The following SEL1L2 variants were observed in gnomAD, a reference collection of about 807,000 sequenced individuals.
The protein encoded by SEL1L2 is protein sel-1 homolog 2.
A neutral mutation model predicts 98.8 loss-of-function variants in SEL1L2; 89 were observed. That is an observed-to-expected ratio of 0.90 (90% CI 0.76 to 1.07). The LOEUF is 1.07. Ranked by LOEUF, SEL1L2 falls within the 50% of genes least tolerant of loss-of-function variation. The pLI is 0.00. For missense variants in SEL1L2, 788 were observed against 812.0 expected (o/e 0.97, Z 0.36); for synonymous variants, 262 against 278.5 (o/e 0.94, Z 0.59).
At chr20:13,961,292 A>C (rs1046463945) in intron 1 of SEL1L2, among the ~76,000 whole-genome samples, 1 of 152,218 alleles carries the variant, frequency 6.6e-6, no homozygotes, top group Non-Finnish European at 1.5e-5. Context: ...TTAAAAAACA[A>C]AAATCTGATT....
chr20:13,933,819 T>C (rs1241359118), intron 2 of SEL1L2, among the ~76,000 whole-genome samples: 1 of 152,168 alleles, frequency 6.6e-6, no homozygotes, highest in Non-Finnish European at 1.5e-5. Context: ...TTGCTTTGCT[T>C]TCTTGGTTTG....
chr20:13,897,541 A>T (rs571361751), intron 5 of SEL1L2, among the ~76,000 whole-genome samples: 7 of 152,250 alleles, frequency 4.6e-5, no homozygotes, highest in Non-Finnish European at 8.8e-5. Context: ...AAAAATTCTT[A>T]CAACTCAATA....
chr20:13,989,730 T>C (rs2052446576), intron 1 of SEL1L2, among the ~76,000 whole-genome samples: 1 of 152,238 alleles, frequency 6.6e-6, no homozygotes, highest in South Asian at 2.1e-4. Context: ...ATCTTTGTCT[T>C]TTATTCTGTT....
chr20:13,891,004 A>G (rs2047181202), intron 5 of SEL1L2, among the ~76,000 whole-genome samples: 1 of 152,162 alleles, frequency 6.6e-6, no homozygotes, highest in Non-Finnish European at 1.5e-5. Context: ...AAGAAAGCCT[A>G]AGGGACTTAT....
chr20:13,851,027 A>G (rs755983294), intron 18 of SEL1L2, among the ~76,000 whole-genome samples: 10 of 152,194 alleles, frequency 6.6e-5, no homozygotes, highest in Non-Finnish European at 1.3e-4. Flanking sequence ...ACTTGAGGCC[A>G]GGAGTTCAAG....
intron 2 of SEL1L2, among the ~76,000 whole-genome samples, chr20:13,949,830 T>TA (rs2050186952): frequency 1.3e-5 from 2 of 152,192 alleles, no homozygotes; most frequent in African/African-American, 4.8e-5. Flanking sequence ...AATTACTTTA[T>TA]AATCCAGTAT....
At chr20:13,857,238 GA>G (rs1284720763) in intron 18 of SEL1L2, among the ~76,000 whole-genome samples, 15 of 141,640 alleles carry the variant, frequency 1.1e-4, no homozygotes, top group South Asian at 2.2e-4. Context: ...CTTTCTGTAG[GA>G]AAAAAAAAAT....
At chr20:13,966,170 T>G (rs2051031794) in intron 1 of SEL1L2, among the ~76,000 whole-genome samples, 1 of 152,186 alleles carries the variant, frequency 6.6e-6, no homozygotes, top group Non-Finnish European at 1.5e-5. Flanking sequence ...TGCTATAAAG[T>G]GAAGGGCAAG....
chr20:13,910,959 G>A (rs1332005380), intron 5 of SEL1L2, among the ~76,000 whole-genome samples: 1 of 152,192 alleles, frequency 6.6e-6, no homozygotes, highest in African/African-American at 2.4e-5. Context: ...AACCATTCAT[G>A]TAAGTTTGGA....
chr20:13,856,249 C>T (rs2147738044), intron 18 of SEL1L2, among the ~76,000 whole-genome samples: 1 of 152,230 alleles, frequency 6.6e-6, no homozygotes, highest in African/African-American at 2.4e-5. Flanking sequence ...CGTGCCTCAG[C>T]TTCCCAAGTA....
chr20:13,865,921 G>T (rs1318455861), intron 15 of SEL1L2, among the ~76,000 whole-genome samples: 3 of 152,098 alleles, frequency 2.0e-5, no homozygotes, highest in African/African-American at 4.8e-5. Flanking sequence ...CACAGCTGAT[G>T]TGAAAAGGAG....
At chr20:13,926,776 C>T in intron 3 of SEL1L2, among the ~76,000 whole-genome samples, 1 of 152,128 alleles carries the variant, frequency 6.6e-6, no homozygotes, top group East Asian at 1.9e-4. Flanking sequence ...TTAAATTTAG[C>T]CTAGCTGGTC....
chr20:13,964,615 G>A (rs983288547), intron 1 of SEL1L2, among the ~76,000 whole-genome samples: 11 of 151,486 alleles, frequency 7.3e-5, no homozygotes, highest in Non-Finnish European at 1.6e-4. Flanking sequence ...ACCACCCCTG[G>A]CTAATTTTGT....
upstream of SEL1L2, chr20:13,995,274 AGCCCCCTCGCTCCCTGGCTCC>A (rs1195781616): frequency 4.6e-4 from 105 of 230,582 alleles, no homozygotes; most frequent in South Asian, 1.7e-3. This position sits in a 1 kb window ranked among gnomAD's most constrained non-coding sequence, Gnocchi z 4.3. Flanking sequence ...GGACAGCTCC[AGCCCCCTCGCTCCCTGGCTCC>A]GCCCCCTCGC....
chr20:13,941,833 G>C (rs1421761530), intron 2 of SEL1L2, among the ~76,000 whole-genome samples: 2 of 152,202 alleles, frequency 1.3e-5, no homozygotes, highest in Non-Finnish European at 2.9e-5. Flanking sequence ...CCTCACAAAT[G>C]ATAGATAGGT....
Position 13,866,784 on chromosome 20 carries a change from C to T in SEL1L2, c.1322G>A (p.Gly441Glu). Residue 441 changes from glycine (G) to glutamate (E), a missense_variant, in exon 15 of 20, where the codon GGG (glycine) becomes GAG (glutamate). Physicochemically the swap from Gly to Glu is moderately conservative, Grantham distance 98. Transcript: ENST00000284951. Reference protein sequence around the residue: ...FKYFYLASQSGQPLAIYYLAK... With the variant: ...FKYFYLASQSEQPLAIYYLAK... ...CAGATAATAAATGGCAAGGGGCTGC[C>T]CACTCTGAGATGCCAGGTAAAAATA... The T allele has an allele frequency of 6.2e-7, 1 of 1,613,174 alleles. No individual in the cohort carries two copies. The highest frequency in any genetic ancestry group is 1.1e-5 in the South Asian group (1 of 90,894).
At chr20:13,900,934 GT>G (rs1568930604) in intron 5 of SEL1L2, among the ~76,000 whole-genome samples, 1 of 151,962 alleles carries the variant, frequency 6.6e-6, no homozygotes, top group African/African-American at 2.4e-5. Flanking sequence ...GAATCATCTC[GT>G]TTTTATTTAT....
intron 5 of SEL1L2, among the ~76,000 whole-genome samples, chr20:13,898,089 T>TA (rs2047501080): frequency 1.3e-5 from 2 of 152,006 alleles, no homozygotes; most frequent in Non-Finnish European, 2.9e-5. Context: ...CTTAAAAAAT[T>TA]AAAAAATATA....
At chr20:13,982,960 G>A (rs1394624844) in intron 1 of SEL1L2, among the ~76,000 whole-genome samples, 2 of 132,210 alleles carry the variant, frequency 1.5e-5, no homozygotes, top group Non-Finnish European at 3.1e-5. Context: ...GGAGGCGGAG[G>A]TTGCAGTGAG....
Sources: allele counts gnomAD v4.1 joint callset (sites outside exome capture counted in the v4.1 genomes callset), GRCh38; gene constraint gnomAD v4.1.1; non-coding constraint Gnocchi (gnomAD v3.1); transcripts MANE v1.5; gene names NCBI Gene and HGNC (gene_info 2026-07-23, HGNC 2026-07-21).